CCDC102B: variants seen among roughly 807,000 people sequenced by gnomAD.
CCDC102B encodes coiled-coil domain containing 102B, also known as coiled-coil domain-containing protein 102B.
CCDC102B carries 75 observed loss-of-function variants against 57.4 expected under a neutral mutation model. The ratio of observed to expected loss-of-function variants is 1.31; its 90% CI spans 1.08 to 1.58. The LOEUF is 1.58. Ranked by LOEUF, CCDC102B falls within the 40% of genes most tolerant of loss-of-function variation. The pLI is 0.00. For missense variants in CCDC102B, 636 were observed against 582.6 expected, an observed-to-expected ratio of 1.09 and a Z score of -0.94; for synonymous variants, 206 against 201.9, an observed-to-expected ratio of 1.02 and a Z score of -0.17.
At chr18:68,991,960 A>C (rs191317152) in intron 6 of CCDC102B, among the ~76,000 whole-genome samples, 27 of 152,336 alleles carry the variant, frequency 1.8e-4, no homozygotes, top group African/African-American at 6.3e-4. Flanking sequence ...GACATACATA[A>C]ATATGATGTA....
intron 4 of CCDC102B, 83 bp downstream of exon 4, chr18:68,846,504 A>T: frequency 1.2e-6 from 1 of 826,626 alleles, no homozygotes; most frequent in South Asian, 1.9e-5. Context: ...GCAGAAAGGC[A>T]CAACAGATAA....
chr18:68,938,375 G>T (rs536266712), intron 6 of CCDC102B, among the ~76,000 whole-genome samples: 5 of 152,008 alleles, frequency 3.3e-5, no homozygotes, highest in Admixed American at 3.3e-4. Flanking sequence ...TAGTACTTTT[G>T]ATAGCACTTC....
chr18:68,947,921 T>G (rs1243991375), intron 6 of CCDC102B, among the ~76,000 whole-genome samples: 1 of 152,084 alleles, frequency 6.6e-6, no homozygotes, highest in Admixed American at 6.6e-5. Flanking sequence ...AAGTGGGAAA[T>G]GAAAAAATTG....
intron 4 of CCDC102B, among the ~76,000 whole-genome samples, chr18:68,865,510 T>C (rs2038936646): frequency 6.6e-6 from 1 of 152,158 alleles, no homozygotes; most frequent in Admixed American, 6.5e-5. Flanking sequence ...TAGGTGTATA[T>C]TTTTTAATTC....
intron 6 of CCDC102B, among the ~76,000 whole-genome samples, chr18:68,967,420 A>T (rs961292117): frequency 1.3e-5 from 2 of 151,958 alleles, no homozygotes; most frequent in African/African-American, 4.8e-5. Flanking sequence ...TGAAGTCTTT[A>T]GCACAAATTC....
intron 7 of CCDC102B, among the ~76,000 whole-genome samples, chr18:69,023,693 C>T (rs1024564364): frequency 6.6e-6 from 1 of 151,880 alleles, no homozygotes; most frequent in African/African-American, 2.4e-5. Context: ...AGAGAAAGAG[C>T]TCTACCATAC....
At chr18:68,751,767 A>G (rs1325754255) in intron 2 of CCDC102B, among the ~76,000 whole-genome samples, 1 of 152,196 alleles carries the variant, frequency 6.6e-6, no homozygotes, top group Non-Finnish European at 1.5e-5. Flanking sequence ...TCCAGAGAGA[A>G]AAAGAGGAAA....
intron 6 of CCDC102B, among the ~76,000 whole-genome samples, chr18:68,915,180 G>A (rs1246281777): frequency 1.3e-5 from 2 of 152,216 alleles, no homozygotes; most frequent in African/African-American, 4.8e-5. Flanking sequence ...TTGAAGCTCT[G>A]TGCTGGAGAC....
In CCDC102B at chr18:68,897,211, G is replaced by A. The variant is rs376565776; in HGVS notation, c.1054-8G>A. 1 of 1,604,758 alleles carries A rather than the reference G, an allele frequency of 6.2e-7. No individual in the cohort carries two copies. Reference sequence around the variant, plus strand: ...TGCATGCTGCTTCTTTGTGTTTTCTGTGTGTAGCTAGAGAGATTGCAAGCT... The same window carrying A: ...TGCATGCTGCTTCTTTGTGTTTTCTATGTGTAGCTAGAGAGATTGCAAGCT... On this transcript the variant is annotated splice_polypyrimidine_tract_variant and splice_region_variant and intron_variant, in intron 5 of 7. Coordinates refer to ENST00000360242, the MANE Select transcript of CCDC102B (RefSeq NM_024781.3).
intron 2 of CCDC102B, among the ~76,000 whole-genome samples, chr18:68,745,666 A>G (rs1331239680): frequency 6.6e-6 from 1 of 152,160 alleles, no homozygotes; most frequent in African/African-American, 2.4e-5. Context: ...CTACTGTGCC[A>G]TCAAACACAA....
intron 7 of CCDC102B, among the ~76,000 whole-genome samples, chr18:69,011,868 A>G (rs1331562210): frequency 6.6e-6 from 1 of 152,210 alleles, no homozygotes; most frequent in Admixed American, 6.5e-5. Context: ...TGGAAATAAA[A>G]AAATAAGCAG....
chr18:69,004,548 A>G (rs922723010), intron 6 of CCDC102B, among the ~76,000 whole-genome samples: 1 of 152,164 alleles, frequency 6.6e-6, no homozygotes, highest in South Asian at 2.1e-4. Flanking sequence ...CCTTCCATAC[A>G]GAACGGGGAT....
chr18:68,757,632 AT>A (rs1432519797), intron 2 of CCDC102B, among the ~76,000 whole-genome samples: 1 of 151,910 alleles, frequency 6.6e-6, no homozygotes, highest in Non-Finnish European at 1.5e-5. Flanking sequence ...TTTCTATTTT[AT>A]TTTGCTCTAC....
chr18:68,945,614 G>A (rs1217232996), intron 6 of CCDC102B, among the ~76,000 whole-genome samples: 6 of 152,110 alleles, frequency 3.9e-5, no homozygotes, highest in Admixed American at 2.6e-4. Context: ...AATAATGTTG[G>A]TTACTGAAGC....
chr18:69,045,817 C>G (rs572005712), intron 7 of CCDC102B, among the ~76,000 whole-genome samples: 1 of 152,042 alleles, frequency 6.6e-6, no homozygotes. Flanking sequence ...TCCATGTGCT[C>G]TTGTTGTTTA....
At chr18:68,771,819 T>A (rs1359290046) in intron 2 of CCDC102B, among the ~76,000 whole-genome samples, 1 of 151,076 alleles carries the variant, frequency 6.6e-6, no homozygotes, top group Admixed American at 6.6e-5. Flanking sequence ...TGAATTTACT[T>A]ATAAAAAGAG....
intron 5 of CCDC102B, 130 bp from the exon 6 acceptor site, chr18:68,897,089 A>G (rs1179606503): frequency 1.5e-6 from 1 of 659,714 alleles, no homozygotes; most frequent in Non-Finnish European, 2.6e-6. Flanking sequence ...AACAAATAGA[A>G]TTTTCTTTTT....
chr18:68,878,102 G>C (rs1200064293), intron 5 of CCDC102B, among the ~76,000 whole-genome samples: 1 of 152,148 alleles, frequency 6.6e-6, no homozygotes, highest in Non-Finnish European at 1.5e-5. Flanking sequence ...ACTCCTTTCT[G>C]TTTGTTTGTT....
Position 68,897,425 on chromosome 18 carries a change from C to G in CCDC102B, c.1260C>G (p.Asn420Lys), listed in dbSNP as rs139367865. The G allele has an allele frequency of 1.2e-6, 2 of 1,610,328 alleles. No individual in the cohort carries two copies. The highest frequency in any genetic ancestry group is 1.7e-6 in the Non-Finnish European group (2 of 1,178,238). The change falls in exon 6 of 8, where the codon AAC becomes AAG. Residue 420 changes from asparagine to lysine, a missense_variant. Coordinates refer to ENST00000360242, the MANE Select transcript of CCDC102B (RefSeq NM_024781.3). The stretch of plus-strand genomic sequence containing the variant: ...CACAAATTGATCTGCAAGAAAAAAA[C>G]CAGGTATGGGTGCTCCTTGGAGCAA... ...KMSQIDLQEK[N>K]QELLNLQHAY...
Sources: allele counts gnomAD v4.1 joint callset (sites outside exome capture counted in the v4.1 genomes callset), GRCh38; gene constraint gnomAD v4.1.1; transcripts MANE v1.5; gene names NCBI Gene and HGNC (gene_info 2026-07-23, HGNC 2026-07-21).